Variants in PREP observed in about 807,000 individuals in gnomAD.
The protein encoded by PREP is dJ355L5.1 (prolyl endopeptidase).
A neutral mutation model predicts 87.6 loss-of-function variants in PREP; 29 were observed. The observed-to-expected ratio is 0.33, with a 90% CI of 0.25 to 0.45. PREP has a LOEUF of 0.45. Among genes scored for constraint, PREP ranks in the 20% least tolerant of loss-of-function variants. PREP has a pLI of 1.00. For synonymous variants in PREP, 337 were observed against 328.6 expected (o/e 1.03, Z -0.28); for missense variants, 695 against 886.5 (o/e 0.78, Z 2.74).
intron 14 of PREP, among the ~76,000 whole-genome samples, chr6:105,279,818 G>A (rs776311870): frequency 6.6e-6 from 1 of 152,200 alleles, no homozygotes; most frequent in African/African-American, 2.4e-5. Flanking sequence ...TTTAAATTAA[G>A]TTTGAAAGTA....
intron 2 of PREP, among the ~76,000 whole-genome samples, chr6:105,380,075 C>G (rs1159593341): frequency 1.3e-5 from 2 of 152,194 alleles, no homozygotes; most frequent in African/African-American, 4.8e-5. Flanking sequence ...AAACCTCAAT[C>G]CACAAATGGT....
rs780773696 is a variant in PREP, at chr6:105,376,277, T to C, written c.255-22A>G. On this transcript the variant is annotated intron_variant, in intron 3 of 14. Transcript: ENST00000652536. ...ATACCTGGGGAACAGAGATGGTCTT[T>C]ATTCAGCTGTGGAGTTTTCTATTTG... 10 of 1,608,060 alleles carry C rather than the reference T, an allele frequency of 6.2e-6. No individual in the cohort carries two copies. The East Asian group carries it at 1.6e-4, about 25-fold the overall frequency.
At chr6:105,334,829 C>T (rs1210307895) in intron 7 of PREP, among the ~76,000 whole-genome samples, 1 of 152,160 alleles carries the variant, frequency 6.6e-6, no homozygotes, top group Admixed American at 6.5e-5. Flanking sequence ...AACTCCTGGG[C>T]CCCTAAGATC....
chr6:105,347,459 A>G (rs1771828779), intron 7 of PREP, among the ~76,000 whole-genome samples: 1 of 152,246 alleles, frequency 6.6e-6, no homozygotes, highest in Non-Finnish European at 1.5e-5. Flanking sequence ...TGTAGACAAC[A>G]AAAGTAACCA....
rs2114607856 is a variant in PREP, at chr6:105,278,524, G to A, written c.1839-86C>T. On this transcript the variant is annotated intron_variant, in intron 14 of 14. Coordinates refer to ENST00000652536, the MANE Select transcript of PREP (RefSeq NM_002726.5). This position sits in a 1 kb window ranked among gnomAD's most constrained non-coding sequence, Gnocchi z 4.2. ...GACCTAGGTAGTTAATTAGCAGTGA[G>A]GACTGCAGTTAACTAGTACGTGAGT... 7.3e-7 allele frequency: 1 copy of A among 1,360,594 alleles called. No individual in the cohort carries two copies. Among genetic ancestry groups the A allele is most frequent in the South Asian group, 1.4e-5 (1 of 73,686 alleles). The allele number at this position is 1,360,594 out of a possible 1,614,324, so 84.3% of individuals were successfully genotyped here.
chr6:105,373,346 C>G, intron 5 of PREP, 23 bp downstream of exon 5: 1 of 1,607,996 alleles, frequency 6.2e-7, no homozygotes, highest in Non-Finnish European at 8.5e-7. Flanking sequence ...GAAAAATGTG[C>G]TTCATCTGAA....
chr6:105,309,086 G>C (rs1029207844), intron 10 of PREP, among the ~76,000 whole-genome samples: 1 of 152,108 alleles, frequency 6.6e-6, no homozygotes, highest in African/African-American at 2.4e-5. Flanking sequence ...TGCAGCAGGC[G>C]GGTGAGGGAG....
chr6:105,295,157 C>CTTTTTTTTT (rs10586996), intron 10 of PREP, among the ~76,000 whole-genome samples: 3 of 132,588 alleles, frequency 2.3e-5, no homozygotes, highest in Admixed American at 7.7e-5. Context: ...CAATGTTTTC[C>CTTTTTTTTT]TTTTTTTTTT....
intron 6 of PREP, among the ~76,000 whole-genome samples, chr6:105,368,284 CA>C (rs1772446570): frequency 6.6e-6 from 1 of 152,112 alleles, no homozygotes; most frequent in Non-Finnish European, 1.5e-5. Context: ...TAACCAGAGT[CA>C]AAATTTTACT....
At chr6:105,312,863 G>A (rs1343819489) in intron 10 of PREP, among the ~76,000 whole-genome samples, 1 of 152,104 alleles carries the variant, frequency 6.6e-6, no homozygotes, top group Admixed American at 6.5e-5. Flanking sequence ...ATGGTGGTCC[G>A]GGGCTACGGG....
Position 105,288,870 on chromosome 6 carries a change from T to C in PREP, c.1342A>G (p.Thr448Ala). ...TGCACAATGAACATTGGAATCTTCG[T>C]ACCATCCTTGCTAGGGTAGAAAATC... ...VQIFYPSKDG[T>A]KIPMFIVHKK... Residue 448 changes from threonine (T) to alanine (A), a missense_variant, in exon 11 of 15, where the codon ACG becomes GCG. By Grantham distance (58) the Thr-to-Ala change is moderately conservative (BLOSUM62 0). This residue lies in a region of PREP where 517 missense variants were observed against 620.3 expected (regional missense o/e 0.83). Coordinates refer to ENST00000652536, the MANE Select transcript of PREP (RefSeq NM_002726.5). The C allele has an allele frequency of 6.2e-7, 1 of 1,613,224 alleles. No homozygotes were observed. The highest frequency in any genetic ancestry group is 8.5e-7 in the Non-Finnish European group (1 of 1,179,160).
intron 1 of PREP, among the ~76,000 whole-genome samples, chr6:105,399,262 C>T (rs1444312569): frequency 6.6e-6 from 1 of 152,152 alleles, no homozygotes; most frequent in African/African-American, 2.4e-5. Flanking sequence ...AATCTGTCTC[C>T]TTGCTTTGTT....
intron 8 of PREP, among the ~76,000 whole-genome samples, chr6:105,333,074 C>G (rs577038665): frequency 6.6e-6 from 1 of 152,324 alleles, no homozygotes; most frequent in East Asian, 1.9e-4. Context: ...CTTTGGAAGT[C>G]TGAAATCCTA....
chr6:105,325,188 T>C (rs1251127811), intron 9 of PREP, among the ~76,000 whole-genome samples: 2 of 151,956 alleles, frequency 1.3e-5, no homozygotes, highest in African/African-American at 2.4e-5. Flanking sequence ...ACAAAAAGCA[T>C]GTGAATCCTT....
intron 10 of PREP, among the ~76,000 whole-genome samples, chr6:105,315,058 G>A (rs188592321): frequency 6.6e-6 from 1 of 152,228 alleles, no homozygotes; most frequent in Non-Finnish European, 1.5e-5. Flanking sequence ...GGTCTCAACA[G>A]TGTGCTTAAC....
rs957517975 is a variant in PREP at position 105,333,253 on chromosome 6, T to G, written c.1015+61A>C. The G allele has an allele frequency of 2.0e-6, 3 of 1,478,962 alleles. No individual in the cohort carries two copies. In the Admixed American group the frequency reaches 5.1e-5, roughly 25 times the overall value. 91.6% of individuals were successfully genotyped at this position (1,478,962 alleles called of 1,614,324 possible). A position where few individuals can be genotyped will look rare whatever the true frequency, so the allele number is the denominator to read the frequency against. ...GATCACTAGAGAATGAGAGACGCAC[T>G]AACTTGTTGATGTTCTCATCAAAAA... On this transcript the variant is annotated intron_variant, in intron 8 of 14. Coordinates refer to ENST00000652536, the MANE Select transcript of PREP (RefSeq NM_002726.5).
intron 10 of PREP, chr6:105,322,724 G>A: frequency 2.0e-6 from 2 of 1,011,752 alleles, no homozygotes; most frequent in Non-Finnish European, 2.4e-6. Flanking sequence ...TGCTGATGTA[G>A]AACAGGGGCT....
At chr6:105,317,910 G>GCTT (rs1471811102) in intron 10 of PREP, among the ~76,000 whole-genome samples, 2 of 152,326 alleles carry the variant, frequency 1.3e-5, no homozygotes, top group East Asian at 3.9e-4. Flanking sequence ...CTTAACAGGT[G>GCTT]CTTCTGTCTT....
chr6:105,283,631 G>T (rs551485660), intron 12 of PREP, among the ~76,000 whole-genome samples: 2 of 152,106 alleles, frequency 1.3e-5, no homozygotes, highest in Admixed American at 1.3e-4. Flanking sequence ...TTTAAAAAGA[G>T]CATTAAATTT....
Sources: gnomAD v4.1 joint callset for allele counts (sites outside exome capture counted in the v4.1 genomes callset) on GRCh38, gnomAD v4.1.1 for gene constraint, gnomAD v4.1.1 regional missense constraint, Gnocchi (gnomAD v3.1) non-coding constraint, MANE v1.5 for transcripts, NCBI Gene and HGNC (gene_info 2026-07-23, HGNC 2026-07-21) for gene names.